Variants in SMC2 observed in about 807,000 individuals in gnomAD.
SMC2 encodes structural maintenance of chromosomes protein 2.
A neutral mutation model predicts 142.6 loss-of-function variants in SMC2; 41 were observed. The observed-to-expected ratio is 0.29, with a 90% CI of 0.22 to 0.37. The LOEUF (loss-of-function observed/expected upper bound fraction) is 0.37, where lower values mean the gene tolerates loss of function less well. Ranked by LOEUF, SMC2 falls within the 10% of genes least tolerant of loss-of-function variation. The probability of loss-of-function intolerance (pLI) is 1.00; values close to 1 mark genes in which losing one functional copy is unlikely to be tolerated. For missense variants in SMC2, 1,265 were observed against 1,373.7 expected (o/e 0.92, Z 1.25); for synonymous variants, 463 against 457.5 (o/e 1.01, Z -0.15).
rs2131433424 is a variant in SMC2, at chr9:104,118,275, T to C, written c.1896T>C (p.Asn632=). The C allele has an allele frequency of 1.2e-6, 2 of 1,613,686 alleles. No individual in the cohort carries two copies. Among genetic ancestry groups the C allele is most frequent in the Non-Finnish European group, 1.7e-6 (2 of 1,179,750 alleles). Residue 632 remains asparagine, a synonymous_variant, in exon 15 of 25, where the codon AAT becomes AAC. Transcript: ENST00000374793. ...TTGGAACAACATTTGTTTGTGACAATATGGATAATGCCAAAAAAGTGGCCT... is the reference window on the plus strand; with the variant it reads ...TTGGAACAACATTTGTTTGTGACAACATGGATAATGCCAAAAAAGTGGCCT... ...FVFGTTFVCD[N]MDNAKKVAFD...
intron 7 of SMC2, 57 bp downstream of exon 7, chr9:104,100,490 T>C: frequency 8.8e-7 from 1 of 1,137,266 alleles, no homozygotes; most frequent in Admixed American, 2.2e-5. Context: ...GTCAGCAATG[T>C]ATCCAAAATC....
chr9:104,121,329 T>TA (rs955141092), intron 16 of SMC2, among the ~76,000 whole-genome samples: 11 of 151,906 alleles, frequency 7.2e-5, no homozygotes, highest in South Asian at 2.1e-4. Flanking sequence ...CCTGTGTCTG[T>TA]AAAAAAACAC....
chr9:104,126,413 G>A (rs763180890), intron 18 of SMC2, among the ~76,000 whole-genome samples: 28 of 152,062 alleles, frequency 1.8e-4, no homozygotes, highest in East Asian at 3.9e-4. Context: ...AATAATTTAT[G>A]CAGAGTTCTT....
chr9:104,135,476 T>C (rs1835430506), intron 23 of SMC2, among the ~76,000 whole-genome samples: 2 of 152,172 alleles, frequency 1.3e-5, no homozygotes, highest in South Asian at 4.1e-4. Flanking sequence ...GGAAGCTGTC[T>C]AATGGGCAAG....
upstream of SMC2, among the ~76,000 whole-genome samples, chr9:104,089,847 T>C (rs567525488): frequency 3.3e-5 from 5 of 152,194 alleles, no homozygotes; most frequent in African/African-American, 1.2e-4. Context: ...GGTTTCGCCA[T>C]GTTGGAACCA....
intron 1 of SMC2, chr9:104,094,743 A>G (rs1830262779): frequency 3.7e-6 from 1 of 268,380 alleles, no homozygotes; most frequent in Non-Finnish European, 7.0e-6. Flanking sequence ...CATCTCTAGT[A>G]AATACTTAAA....
chr9:104,118,050 T>A (rs1297960902), intron 14 of SMC2, 121 bp from the exon 15 acceptor site: 1 of 698,422 alleles, frequency 1.4e-6, no homozygotes, highest in African/African-American at 1.8e-5. Context: ...TCAGAAAGAG[T>A]TTTAATGCTA....
chr9:104,120,238 G>T, intron 16 of SMC2, 76 bp downstream of exon 16: 1 of 1,299,480 alleles, frequency 7.7e-7, no homozygotes, highest in Non-Finnish European at 1.0e-6. Context: ...TTTATTTCAA[G>T]AAATACAGCT....
rs369988409 is a variant in SMC2 at position 104,120,172 on chromosome 9, G to A, written c.2132+10G>A. 6.4e-7 allele frequency: 1 copy of A among 1,570,514 alleles called. No homozygotes were observed. The highest frequency in any genetic ancestry group is 2.1e-5 in the Admixed American group (1 of 47,408). On this transcript the variant is annotated intron_variant, in intron 16 of 24. Coordinates refer to ENST00000374793, the MANE Select transcript of SMC2 (RefSeq NM_006444.3). ...AAAACACTGCTGAAAAGTAAGAACT[G>A]CATATACTTTTTTTAATTAAAGATT...
chr9:104,103,129 A>G (rs1831350644), intron 9 of SMC2, among the ~76,000 whole-genome samples: 1 of 152,134 alleles, frequency 6.6e-6, no homozygotes, highest in Admixed American at 6.6e-5. Context: ...AGTTCATATA[A>G]GAAGGTTGGA....
At chr9:104,118,696 A>G (rs1587955856) in intron 15 of SMC2, among the ~76,000 whole-genome samples, 1 of 136,252 alleles carries the variant, frequency 7.3e-6, no homozygotes, top group Non-Finnish European at 1.5e-5. Context: ...TGTATACCAG[A>G]CAGTGTTCTA....
chr9:104,093,804 C>T (rs1287819128), upstream of SMC2, among the ~76,000 whole-genome samples: 1 of 109,076 alleles, frequency 9.2e-6, no homozygotes, highest in Admixed American at 1.0e-4. Flanking sequence ...CCCCGAAGGA[C>T]GGTGCCTCTC....
At chr9:104,137,740 A>G (rs574229640) in intron 23 of SMC2, among the ~76,000 whole-genome samples, 1 of 152,316 alleles carries the variant, frequency 6.6e-6, no homozygotes, top group South Asian at 2.1e-4. Context: ...AACTAACATG[A>G]TCTTAAGAAT....
chr9:104,124,760 G>A, intron 17 of SMC2, 152 bp from the exon 18 acceptor site: 1 of 554,910 alleles, frequency 1.8e-6, no homozygotes, highest in South Asian at 2.7e-5. Flanking sequence ...TAGGATCTGT[G>A]TTTCATTATA....
At chr9:104,136,593 A>AT (rs1300174877) in intron 23 of SMC2, among the ~76,000 whole-genome samples, 7 of 150,172 alleles carry the variant, frequency 4.7e-5, no homozygotes, top group East Asian at 1.9e-4. Flanking sequence ...GCACAGCAGA[A>AT]TTTTTTTTTT....
At chr9:104,128,255 T>C (rs777291053) in intron 20 of SMC2, among the ~76,000 whole-genome samples, 7 of 152,190 alleles carry the variant, frequency 4.6e-5, no homozygotes, top group Non-Finnish European at 8.8e-5. Flanking sequence ...GAAAGAACTG[T>C]GGAACTTGAT....
intron 3 of SMC2, 126 bp from the exon 4 acceptor site, chr9:104,098,320 T>G: frequency 1.4e-6 from 1 of 689,910 alleles, no homozygotes; most frequent in Non-Finnish European, 2.2e-6. Flanking sequence ...TTCCACTATT[T>G]ATGCAGAATT....
intron 13 of SMC2, 142 bp downstream of exon 13, chr9:104,114,971 C>CT (rs1832916305): frequency 7.0e-6 from 4 of 568,486 alleles, no homozygotes. Flanking sequence ...TGGTTCATAA[C>CT]TTTTTGATAA....
Position 104,118,190 on chromosome 9 carries a change from A to C in SMC2, c.1811A>C (p.His604Pro). Residue 604 changes from histidine (H) to proline (P), a missense_variant, in exon 15 of 25, where the codon CAT becomes CCT. This residue lies in a region of SMC2 where 898 missense variants were observed against 904.2 expected (regional missense o/e 0.99). Coordinates refer to ENST00000374793, the MANE Select transcript of SMC2 (RefSeq NM_006444.3). ...AQNLVGPDNV[H>P]VALSLVEYKP... ...CCACAGGTTGGCCCTGACAACGTTC[A>C]TGTGGCTCTTTCCTTGGTTGAATAT... The C allele has an allele frequency of 1.2e-6, 2 of 1,613,834 alleles. No homozygotes were observed. Among genetic ancestry groups the C allele is most frequent in the Non-Finnish European group, 1.7e-6 (2 of 1,179,758 alleles).
Sources: gnomAD v4.1 joint callset for allele counts (sites outside exome capture counted in the v4.1 genomes callset) on GRCh38, gnomAD v4.1.1 for gene constraint, gnomAD v4.1.1 regional missense constraint, MANE v1.5 for transcripts, NCBI Gene and HGNC (gene_info 2026-07-23, HGNC 2026-07-21) for gene names.